Variants in PDE11A observed in about 807,000 individuals in gnomAD.
PDE11A encodes the protein phosphodiesterase 11A.
A neutral mutation model predicts 100.5 loss-of-function variants in PDE11A; 100 were observed. The ratio of observed to expected loss-of-function variants is 1.00; its 90% CI spans 0.85 to 1.18. The LOEUF (loss-of-function observed/expected upper bound fraction) is 1.18. Among genes scored for constraint, PDE11A ranks in the 50% most tolerant of loss-of-function variants. The pLI is 0.00. For missense variants in PDE11A, 1,141 were observed against 1,152.6 expected, an observed-to-expected ratio of 0.99 and a Z score of 0.15; for synonymous variants, 381 against 420.8, an observed-to-expected ratio of 0.91 and a Z score of 1.16.
intron 2 of PDE11A, among the ~76,000 whole-genome samples, chr2:177,979,802 G>C (rs2085858251): frequency 6.7e-6 from 1 of 149,354 alleles, no homozygotes; most frequent in African/African-American, 2.4e-5. Context: ...AGTAGAGACG[G>C]GGTTTCACCA....
At chr2:177,914,749 TACAC>T (rs2084928427) in intron 2 of PDE11A, among the ~76,000 whole-genome samples, 2 of 152,196 alleles carry the variant, frequency 1.3e-5, no homozygotes, top group Non-Finnish European at 2.9e-5. Flanking sequence ...AATTTCCTCT[TACAC>T]TATTTTCTGA....
At chr2:177,822,253 T>A (rs934366386) in intron 6 of PDE11A, among the ~76,000 whole-genome samples, 1 of 151,922 alleles carries the variant, frequency 6.6e-6, no homozygotes, top group African/African-American at 2.4e-5. Context: ...CAACTGAAAA[T>A]GATTTTCATG....
intron 5 of PDE11A, among the ~76,000 whole-genome samples, chr2:177,857,751 G>A (rs1029585227): frequency 7.2e-5 from 11 of 151,942 alleles, no homozygotes; most frequent in Admixed American, 1.3e-4. Context: ...CAGTAGAATG[G>A]ATAAAATAAC....
chr2:177,674,885 A>T (rs771752775), intron 17 of PDE11A, among the ~76,000 whole-genome samples: 4 of 152,178 alleles, frequency 2.6e-5, no homozygotes, highest in Admixed American at 6.5e-5. Flanking sequence ...ACCATCAGTA[A>T]TCCCTGGTCT....
chr2:177,849,279 G>A (rs79725520), intron 5 of PDE11A, among the ~76,000 whole-genome samples: 1,690 of 152,292 alleles, frequency 0.011, 30 homozygotes, highest in African/African-American at 0.038. Flanking sequence ...TAGTGATACT[G>A]AATTGTGATA....
chr2:177,912,038 C>T (rs1574273058), intron 2 of PDE11A, among the ~76,000 whole-genome samples: 1 of 152,168 alleles, frequency 6.6e-6, no homozygotes, highest in Middle Eastern at 3.4e-3. Flanking sequence ...GAAGGAGAAG[C>T]TTTGTTTTTT....
At position 178,071,742 on chromosome 2, in the gene PDE11A, C is replaced by T; in HGVS notation, c.696G>A (p.Met232Ile). The change falls in exon 1 of 20, where the codon ATG becomes ATA. Residue 232 changes from methionine to isoleucine, a missense_variant. Met to Ile is a conservative substitution (Grantham distance 10, BLOSUM62 1). Coordinates refer to ENST00000286063, the MANE Select transcript of PDE11A (RefSeq NM_016953.4). ...SYKILIFVCL[M>I]VDADRCSLFL... ...AAAGAGAGCAGCGGTCAGCATCCACCATAAGGCAGACAAAGATGAGAATCT... is the reference window on the plus strand; with the variant it reads ...AAAGAGAGCAGCGGTCAGCATCCACTATAAGGCAGACAAAGATGAGAATCT... The T allele has an allele frequency of 6.2e-7, 1 of 1,614,124 alleles. No individual in the cohort carries two copies. Among genetic ancestry groups the T allele is most frequent in the Non-Finnish European group, 8.5e-7 (1 of 1,179,968 alleles).
At chr2:177,907,399 A>T (rs2084806476) in intron 2 of PDE11A, among the ~76,000 whole-genome samples, 1 of 152,210 alleles carries the variant, frequency 6.6e-6, no homozygotes, top group Non-Finnish European at 1.5e-5. Flanking sequence ...AATAATTTAT[A>T]ATAGTAATTG....
chr2:177,901,741 G>T (rs949357701), intron 3 of PDE11A, among the ~76,000 whole-genome samples: 2 of 152,158 alleles, frequency 1.3e-5, no homozygotes, highest in Non-Finnish European at 2.9e-5. Context: ...CAAGCAAAAA[G>T]CCCTGTTATT....
intron 2 of PDE11A, among the ~76,000 whole-genome samples, chr2:178,095,778 A>T (rs2087480719): frequency 6.6e-6 from 1 of 152,074 alleles, no homozygotes. Context: ...TCAATTCTTG[A>T]CTTCTGTGTA....
chr2:177,659,867 C>A (rs2105472652), intron 19 of PDE11A, among the ~76,000 whole-genome samples: 1 of 152,140 alleles, frequency 6.6e-6, no homozygotes, highest in East Asian at 1.9e-4. Flanking sequence ...GTGCAGGAAT[C>A]AGATGTCAAT....
chr2:177,658,985 A>T (rs1192686336), intron 19 of PDE11A, among the ~76,000 whole-genome samples: 1 of 152,044 alleles, frequency 6.6e-6, no homozygotes. Context: ...GAGGCTGGGC[A>T]TGGTGGCTCA....
chr2:177,646,958 T>C (rs1212228254), intron 19 of PDE11A, among the ~76,000 whole-genome samples: 1 of 152,206 alleles, frequency 6.6e-6, no homozygotes, highest in Non-Finnish European at 1.5e-5. Context: ...GTTATCCTGT[T>C]AGTTGGATTT....
intron 2 of PDE11A, among the ~76,000 whole-genome samples, chr2:178,096,087 G>A (rs2087484969): frequency 6.6e-6 from 1 of 151,958 alleles, no homozygotes; most frequent in Admixed American, 6.6e-5. Context: ...ACATTGTCTT[G>A]GCAATTAACT....
intron 5 of PDE11A, among the ~76,000 whole-genome samples, chr2:177,843,443 T>A (rs1221652914): frequency 1.3e-5 from 2 of 152,170 alleles, no homozygotes; most frequent in Non-Finnish European, 2.9e-5. Context: ...GAGACTTTAG[T>A]CACAGGAACA....
intron 12 of PDE11A, among the ~76,000 whole-genome samples, chr2:177,726,217 C>T (rs1275050081): frequency 6.6e-6 from 1 of 152,098 alleles, no homozygotes; most frequent in Non-Finnish European, 1.5e-5. Flanking sequence ...CCAGTTTTCC[C>T]AGGCCAGTCT....
chr2:177,802,627 T>C (rs1191109401), intron 9 of PDE11A, among the ~76,000 whole-genome samples: 1 of 152,016 alleles, frequency 6.6e-6, no homozygotes, highest in African/African-American at 2.4e-5. Context: ...TGAATTTACA[T>C]GAAATTCTAG....
At chr2:178,062,914 G>C (rs1574377233) in intron 1 of PDE11A, among the ~76,000 whole-genome samples, 1 of 152,138 alleles carries the variant, frequency 6.6e-6, no homozygotes, top group South Asian at 2.1e-4. Flanking sequence ...TTGTGTCATA[G>C]ATATACTTAG....
chr2:177,870,844 C>T (rs531621771), intron 5 of PDE11A, among the ~76,000 whole-genome samples: 1 of 152,184 alleles, frequency 6.6e-6, no homozygotes, highest in Non-Finnish European at 1.5e-5. Context: ...TTTAACTGAG[C>T]TTAAGAGCTG....
Sources: allele counts gnomAD v4.1 joint callset (sites outside exome capture counted in the v4.1 genomes callset), GRCh38; gene constraint gnomAD v4.1.1; transcripts MANE v1.5; gene names NCBI Gene and HGNC (gene_info 2026-07-23, HGNC 2026-07-21).